Variants in MEGF11 observed in about 807,000 individuals in gnomAD.
MEGF11 encodes multiple EGF like domains 11.
MEGF11 carries 126 observed loss-of-function variants against 146.6 expected under a neutral mutation model. The ratio of observed to expected loss-of-function variants is 0.86; its 90% confidence interval spans 0.74 to 1.00. MEGF11 has a LOEUF of 1.00. Among genes scored for constraint, MEGF11 ranks in the 50% least tolerant of loss-of-function variants. MEGF11 has a pLI of 0.00. For synonymous variants in MEGF11, 532 were observed against 583.4 expected, an observed-to-expected ratio of 0.91 and a Z score of 1.27; for missense variants, 1,509 against 1,521.2, an observed-to-expected ratio of 0.99 and a Z score of 0.13.
chr15:66,193,044 G>T (rs866166911), intron 1 of MEGF11, among the ~76,000 whole-genome samples: 1 of 152,138 alleles, frequency 6.6e-6, no homozygotes, highest in African/African-American at 2.4e-5. Context: ...TCCCTGGATC[G>T]ATATAAATCC....
intron 4 of MEGF11, among the ~76,000 whole-genome samples, chr15:66,107,933 G>A (rs1030277342): frequency 1.3e-5 from 2 of 151,864 alleles, no homozygotes; most frequent in African/African-American, 4.9e-5. Flanking sequence ...GGGACCTGGA[G>A]TGAAAGGGGC....
chr15:65,954,121 A>G (rs2080496336), intron 10 of MEGF11, among the ~76,000 whole-genome samples: 2 of 152,174 alleles, frequency 1.3e-5, no homozygotes, highest in Admixed American at 1.3e-4. Flanking sequence ...GTAAAGCGAC[A>G]TGTCCAAGAT....
intron 1 of MEGF11, among the ~76,000 whole-genome samples, chr15:66,241,729 C>A (rs1214037829): frequency 2.0e-5 from 3 of 152,178 alleles, no homozygotes; most frequent in Non-Finnish European, 2.9e-5. Context: ...AATACACACA[C>A]ACATAGAGCA....
At chr15:65,967,112 GA>G (rs2081131133) in intron 8 of MEGF11, 1 of 152,176 alleles carries the variant, frequency 6.6e-6, no homozygotes, top group South Asian at 2.1e-4. Context: ...AAAATGGGAC[GA>G]TACTCACTAA....
intron 7 of MEGF11, among the ~76,000 whole-genome samples, chr15:65,979,572 A>C (rs560258156): frequency 8.3e-4 from 127 of 152,284 alleles, no homozygotes; most frequent in African/African-American, 3.0e-3. Flanking sequence ...CTGGAGAGTC[A>C]GAGGCAGGGA....
At chr15:65,907,228 G>A (rs144200959) in intron 23 of MEGF11, among the ~76,000 whole-genome samples, 17 of 152,240 alleles carry the variant, frequency 1.1e-4, no homozygotes, top group Admixed American at 3.3e-4. Flanking sequence ...ATCTGCCTAC[G>A]TTCCACATAT....
At chr15:65,942,849 C>T (rs1252416205) in intron 10 of MEGF11, among the ~76,000 whole-genome samples, 1 of 151,906 alleles carries the variant, frequency 6.6e-6, no homozygotes, top group Non-Finnish European at 1.5e-5. Flanking sequence ...TCCTGGGCCT[C>T]AGTCTTCAGG....
intron 1 of MEGF11, among the ~76,000 whole-genome samples, chr15:66,149,671 T>C (rs1038101013): frequency 6.6e-6 from 1 of 152,226 alleles, no homozygotes; most frequent in African/African-American, 2.4e-5. Flanking sequence ...CTGACTGTCA[T>C]GCAGTTACAA....
chr15:66,200,700 C>T (rs951338885), intron 1 of MEGF11, among the ~76,000 whole-genome samples: 7 of 152,204 alleles, frequency 4.6e-5, no homozygotes, highest in Admixed American at 1.3e-4. Flanking sequence ...TGAAGTTAAA[C>T]TTAAGGCAGA....
At chr15:66,227,081 A>G (rs571292184) in intron 1 of MEGF11, among the ~76,000 whole-genome samples, 2 of 152,344 alleles carry the variant, frequency 1.3e-5, no homozygotes, top group African/African-American at 4.8e-5. Context: ...TCTGAAAGAC[A>G]TCTCTGAGGA....
chr15:66,094,616 G>A, intron 4 of MEGF11, 122 bp from the exon 5 acceptor site: 2 of 771,866 alleles, frequency 2.6e-6, no homozygotes, highest in Non-Finnish European at 2.1e-6. Flanking sequence ...TAGAACGCAT[G>A]ACTGGCTTGG....
chr15:65,980,731 A>G, intron 7 of MEGF11, 47 bp downstream of exon 7: 1 of 1,532,896 alleles, frequency 6.5e-7, no homozygotes, highest in Non-Finnish European at 8.8e-7. Flanking sequence ...TGAGTGATGA[A>G]GGCTCAGCCC....
intron 1 of MEGF11, among the ~76,000 whole-genome samples, chr15:66,218,989 A>AAAAAAAAAAC (rs2091661927): frequency 6.6e-6 from 1 of 151,288 alleles, no homozygotes; most frequent in Non-Finnish European, 1.5e-5. Flanking sequence ...CAAAAAAAAA[A>AAAAAAAAAAC]AAAAAAACCT....
intron 1 of MEGF11, among the ~76,000 whole-genome samples, chr15:66,218,133 C>T (rs1030308537): frequency 1.3e-5 from 2 of 152,036 alleles, no homozygotes; most frequent in Admixed American, 6.5e-5. Context: ...TTGTTACAGT[C>T]GACAATCACC....
intron 1 of MEGF11, among the ~76,000 whole-genome samples, chr15:66,152,998 C>A (rs912759426): frequency 3.3e-5 from 5 of 152,230 alleles, no homozygotes; most frequent in African/African-American, 1.2e-4. Context: ...CCGCTCCTTC[C>A]CTTCTCCTCC....
At chr15:66,037,602 TGG>T (rs1475909033) in intron 5 of MEGF11, among the ~76,000 whole-genome samples, 1 of 152,014 alleles carries the variant, frequency 6.6e-6, no homozygotes, top group Non-Finnish European at 1.5e-5. Context: ...CATCATAGGG[TGG>T]GGTGAGGGCA....
At chr15:66,178,475 GCT>G (rs2090452879) in intron 1 of MEGF11, among the ~76,000 whole-genome samples, 1 of 152,220 alleles carries the variant, frequency 6.6e-6, no homozygotes, top group African/African-American at 2.4e-5. Flanking sequence ...CTCACGGCCA[GCT>G]CTGTTTGTTG....
At chr15:65,908,684 G>A (rs1167872891) in intron 23 of MEGF11, among the ~76,000 whole-genome samples, 2 of 152,206 alleles carry the variant, frequency 1.3e-5, no homozygotes, top group African/African-American at 4.8e-5. Flanking sequence ...CTCCAACAGG[G>A]CCCAGAGAAC....
chr15:66,197,732 A>G (rs1457360550), intron 1 of MEGF11, among the ~76,000 whole-genome samples: 2 of 152,154 alleles, frequency 1.3e-5, no homozygotes, highest in Non-Finnish European at 2.9e-5. Flanking sequence ...AGATGTTTTT[A>G]GGTTCCAACT....
Sources: gnomAD v4.1 joint callset for allele counts (sites outside exome capture counted in the v4.1 genomes callset) on GRCh38, gnomAD v4.1.1 for gene constraint, MANE v1.5 for transcripts, NCBI Gene and HGNC (gene_info 2026-07-23, HGNC 2026-07-21) for gene names.